The following ALK variants were observed in gnomAD, a reference collection of about 807,000 sequenced individuals.
ALK encodes the protein ALK receptor tyrosine kinase, also known as ALK tyrosine kinase receptor.
Under a neutral mutation model 163.1 loss-of-function variants are expected in ALK, and 74 were observed. That is an observed-to-expected ratio of 0.45 (90% CI 0.38 to 0.55). The LOEUF is 0.55. Ranked by LOEUF, ALK falls within the 20% of genes least tolerant of loss-of-function variation. The pLI is 0.00. For missense variants in ALK, 2,063 were observed against 2,105.3 expected, an observed-to-expected ratio of 0.98 and a Z score of 0.39; for synonymous variants, 960 against 843.2, an observed-to-expected ratio of 1.14 and a Z score of -2.40.
Position 29,215,564 on chromosome 2 carries a change from G to A in ALK, c.3646-1483C>T, listed in dbSNP as rs1263768433. ...CAGAGAGGCTACCTGACTCACCCCAGGTCACACAGCTAATAAGCGTGGAGC... is the reference window on the plus strand; with the variant it reads ...CAGAGAGGCTACCTGACTCACCCCAAGTCACACAGCTAATAAGCGTGGAGC... On this transcript the variant is annotated intron_variant, in intron 23 of 28. Coordinates refer to ENST00000389048, the MANE Select transcript of ALK (RefSeq NM_004304.5). 6.6e-5 allele frequency among the ~76,000 whole-genome samples: 10 copies of A among 152,204 alleles called. No individual in the cohort carries two copies. In the South Asian group the frequency reaches 8.3e-4, roughly 13 times the overall value.
At chr2:29,709,117 C>A (rs1678997194) in intron 2 of ALK, among the ~76,000 whole-genome samples, 1 of 152,114 alleles carries the variant, frequency 6.6e-6, no homozygotes, top group African/African-American at 2.4e-5. Context: ...TGTCCCAAAG[C>A]TGTCAAAAGA....
chr2:29,506,394 T>C (rs1357652070), intron 4 of ALK, among the ~76,000 whole-genome samples: 1 of 152,068 alleles, frequency 6.6e-6, no homozygotes, highest in Admixed American at 6.6e-5. Context: ...CATGATCAGG[T>C]ATAAACAGGG....
At chr2:29,589,946 T>G (rs2148205673) in intron 3 of ALK, among the ~76,000 whole-genome samples, 1 of 152,322 alleles carries the variant, frequency 6.6e-6, no homozygotes. Flanking sequence ...ATTGCCATTC[T>G]AAAAGGGCTT....
intron 8 of ALK, among the ~76,000 whole-genome samples, chr2:29,304,997 G>A (rs370202569): frequency 1.1e-4 from 17 of 152,204 alleles, no homozygotes; most frequent in African/African-American, 2.9e-4. Context: ...GATGTGGGTA[G>A]GTCCTGGGCA....
intron 4 of ALK, among the ~76,000 whole-genome samples, chr2:29,391,313 G>GA (rs5830114): frequency 1.4e-5 from 2 of 147,682 alleles, no homozygotes. Context: ...TTTGGGGGGG[G>GA]GGTGGTGGTG....
intron 3 of ALK, among the ~76,000 whole-genome samples, chr2:29,690,446 C>T (rs1475775046): frequency 1.3e-5 from 2 of 152,132 alleles, no homozygotes; most frequent in African/African-American, 2.4e-5. Context: ...TGCAGATGGG[C>T]TGAGAGTGTG....
At chr2:29,352,889 T>G (rs1014218987) in intron 5 of ALK, among the ~76,000 whole-genome samples, 1 of 152,232 alleles carries the variant, frequency 6.6e-6, no homozygotes, top group African/African-American at 2.4e-5. Flanking sequence ...GCTTCTAACC[T>G]ACAAGCTGTC....
intron 1 of ALK, among the ~76,000 whole-genome samples, chr2:29,841,361 T>C (rs1051028661): frequency 6.6e-6 from 1 of 152,244 alleles, no homozygotes; most frequent in Non-Finnish European, 1.5e-5. Context: ...CACTGGCTTG[T>C]GTTCAGAAAG....
At chr2:29,711,634 T>C (rs999751375) in intron 2 of ALK, among the ~76,000 whole-genome samples, 8 of 151,360 alleles carry the variant, frequency 5.3e-5, no homozygotes, top group African/African-American at 1.9e-4. Flanking sequence ...GGGTGGGGGT[T>C]GTGGGAGGGC....
chr2:29,368,023 A>C (rs1287043174), intron 5 of ALK, among the ~76,000 whole-genome samples: 1 of 152,200 alleles, frequency 6.6e-6, no homozygotes, highest in East Asian at 1.9e-4. Flanking sequence ...TTTTACAAAA[A>C]TTCATGGAGC....
intron 1 of ALK, among the ~76,000 whole-genome samples, chr2:29,828,659 G>T (rs2148384463): frequency 6.6e-6 from 1 of 152,306 alleles, no homozygotes; most frequent in African/African-American, 2.4e-5. Context: ...AAAGTGTCAG[G>T]AAACAACAGG....
intron 1 of ALK, among the ~76,000 whole-genome samples, chr2:29,900,496 C>G (rs758875963): frequency 6.6e-6 from 1 of 152,214 alleles, no homozygotes; most frequent in African/African-American, 2.4e-5. Flanking sequence ...ATAGGCAAAA[C>G]GTAAGCACAC....
intron 4 of ALK, among the ~76,000 whole-genome samples, chr2:29,505,460 G>A (rs926584925): frequency 1.3e-5 from 2 of 152,168 alleles, no homozygotes; most frequent in African/African-American, 2.4e-5. Flanking sequence ...GGTGGAAGTC[G>A]TACTAGATGT....
At chr2:29,295,638 T>C (rs1475763420) in intron 9 of ALK, among the ~76,000 whole-genome samples, 2 of 152,226 alleles carry the variant, frequency 1.3e-5, no homozygotes, top group Non-Finnish European at 2.9e-5. Flanking sequence ...GATGCAGTTA[T>C]GAGCTCTTGG....
intron 3 of ALK, among the ~76,000 whole-genome samples, chr2:29,633,663 A>G (rs1363196218): frequency 1.3e-5 from 2 of 152,044 alleles, no homozygotes; most frequent in Admixed American, 6.6e-5. Context: ...TACAATTAAC[A>G]TACCTCTAGC....
intron 23 of ALK, among the ~76,000 whole-genome samples, chr2:29,216,868 GGTGTGTGCGTGGC>G (rs1669627644): frequency 1.3e-5 from 2 of 149,492 alleles, no homozygotes; most frequent in Non-Finnish European, 3.0e-5. Flanking sequence ...GTATGTGTGT[GGTGTGTGCGTGGC>G]ATGTGTGATT....
intron 1 of ALK, among the ~76,000 whole-genome samples, chr2:29,722,437 A>G (rs1452279556): frequency 6.6e-6 from 1 of 152,150 alleles, no homozygotes; most frequent in African/African-American, 2.4e-5. Context: ...AATAACCAGA[A>G]CCACATTGTA....
At chr2:29,639,391 C>A (rs982324126) in intron 3 of ALK, among the ~76,000 whole-genome samples, 7 of 152,176 alleles carry the variant, frequency 4.6e-5, no homozygotes, top group African/African-American at 1.7e-4. Flanking sequence ...CAGGACCACC[C>A]ACAGATAGGA....
intron 8 of ALK, among the ~76,000 whole-genome samples, chr2:29,300,364 C>A (rs1465903958): frequency 2.0e-5 from 3 of 151,992 alleles, no homozygotes; most frequent in African/African-American, 7.2e-5. Context: ...GCCTGGCAAA[C>A]ATGGTGAAAC....
Sources: gnomAD v4.1 joint callset for allele counts (sites outside exome capture counted in the v4.1 genomes callset) on GRCh38, gnomAD v4.1.1 for gene constraint, MANE v1.5 for transcripts, NCBI Gene and HGNC (gene_info 2026-07-23, HGNC 2026-07-21) for gene names.